CLEC12A: variants seen among roughly 807,000 people sequenced by gnomAD.
CLEC12A encodes C-type lectin domain family 12 member A, also known as C-type lectin protein CLL-1.
A neutral mutation model predicts 26.5 loss-of-function variants in CLEC12A; 22 were observed. That is an observed-to-expected ratio of 0.83 (90% CI 0.59 to 1.19). The LOEUF (loss-of-function observed/expected upper bound fraction) is 1.19. Among genes scored for constraint, CLEC12A ranks in the 50% most tolerant of loss-of-function variants. The pLI, the probability that CLEC12A is intolerant of heterozygous loss-of-function variation, is 0.00. For missense variants in CLEC12A, 353 were observed against 315.6 expected (o/e 1.12, Z -0.90); for synonymous variants, 119 against 101.9 (o/e 1.17, Z -1.01).
At chr12:9,986,425 CT>C (rs34362416), downstream of CLEC12A, among the ~76,000 whole-genome samples, 24,953 of 101,842 alleles carry the variant, frequency 0.25, 2,905 homozygotes, top group East Asian at 0.47. Flanking sequence ...CCCCCCCCCC[CT>C]TTTTTTCTAT....
At chr12:9,981,664 C>A (rs146764657) in intron 4 of CLEC12A, among the ~76,000 whole-genome samples, 139 of 152,208 alleles carry the variant, frequency 9.1e-4, no homozygotes, top group Non-Finnish European at 1.6e-3. Flanking sequence ...CTTTCTGTTT[C>A]TATTAACTCT....
At chr12:9,960,524 T>A (rs1333332607) in intron 1 of CLEC12A, among the ~76,000 whole-genome samples, 1 of 152,196 alleles carries the variant, frequency 6.6e-6, no homozygotes, top group East Asian at 1.9e-4. Context: ...AATGACTACT[T>A]CTGATTATAG....
intron 1 of CLEC12A, chr12:9,952,401 C>T (rs1222079854): frequency 2.1e-4 from 34 of 161,160 alleles, no homozygotes; most frequent in Non-Finnish European, 3.7e-4. Context: ...GGTCTCCAGC[C>T]CCTAACCGCG....
intron 1 of CLEC12A, among the ~76,000 whole-genome samples, chr12:9,952,374 G>C (rs1359306131): frequency 6.6e-6 from 1 of 150,752 alleles, no homozygotes; most frequent in Non-Finnish European, 1.5e-5. Context: ...ACGGGGTTTC[G>C]CTGTGTTGGC....
rs776327738 is a variant in CLEC12A, at chr12:9,979,338, C to A, written c.193C>A (p.His65Asn). The A allele has an allele frequency of 6.3e-7, 1 of 1,579,426 alleles. No homozygotes were observed. The highest frequency in any genetic ancestry group is 8.6e-7 in the Non-Finnish European group (1 of 1,158,904). The change falls in exon 3 of 6, where the codon CAC becomes AAC. Residue 65 changes from histidine (H) to asparagine (N), a missense_variant and splice_region_variant. His to Asn is a moderately conservative substitution (Grantham distance 68, BLOSUM62 1). Transcript: ENST00000304361. ...TTTGTCATTTTTTTAATGTGGAGTT[C>A]ACGTAACTTTGAAGATAGAAATGAA... ...IGLGVLASMF[H>N]VTLKIEMKKM...
At chr12:9,955,401 T>C (rs1387179779) in intron 1 of CLEC12A, among the ~76,000 whole-genome samples, 1 of 152,224 alleles carries the variant, frequency 6.6e-6, no homozygotes, top group African/African-American at 2.4e-5. Context: ...TTATGTTTCT[T>C]ACTTAGGTGA....
intron 1 of CLEC12A, among the ~76,000 whole-genome samples, chr12:9,956,828 T>G (rs1863749012): frequency 6.6e-6 from 1 of 152,196 alleles, no homozygotes; most frequent in African/African-American, 2.4e-5. Flanking sequence ...AGATTAATCT[T>G]TGACCTATGG....
At chr12:9,979,261 A>G in intron 2 of CLEC12A, 75 bp from the exon 3 acceptor site, 1 of 1,208,480 alleles carries the variant, frequency 8.3e-7, no homozygotes, top group Admixed American at 2.3e-5. Context: ...TAATCTTTAT[A>G]CTACTTCTGC....
intron 1 of CLEC12A, among the ~76,000 whole-genome samples, chr12:9,963,373 A>G (rs374259820): frequency 2.3e-4 from 35 of 149,228 alleles, no homozygotes; most frequent in East Asian, 1.6e-3. Context: ...TCAAGGCCTC[A>G]GCGGTTTTGG....
At chr12:10,000,755 T>C in the CLEC12A span, among the ~76,000 whole-genome samples, 4 of 152,190 alleles carry the variant, frequency 2.6e-5, no homozygotes, top group East Asian at 3.8e-4. Context: ...TTCTGGAAGA[T>C]TGGGGTTGGA....
chr12:9,979,498 G>A lies in CLEC12A; in HGVS notation c.353G>A (p.Cys118Tyr). The A allele has an allele frequency of 6.2e-7, 1 of 1,612,846 alleles. No individual in the cohort carries two copies. Among genetic ancestry groups the A allele is most frequent in the South Asian group, 1.1e-5 (1 of 90,990 alleles). The change falls in exon 3 of 6, where the codon TGT (cysteine) becomes TAT (tyrosine). Residue 118 changes from cysteine to tyrosine, a missense_variant. By Grantham distance (194) the Cys-to-Tyr change is radical (BLOSUM62 -2). Transcript: ENST00000304361. The part of the protein sequence containing the change: ...TTLQTIATKL[C>Y]RELYSKEQEH... ...CTGCAAACAATAGCCACCAAATTAT[G>A]TCGTGAGCTATATAGCAAAGAACAA...
intron 1 of CLEC12A, among the ~76,000 whole-genome samples, chr12:9,960,623 T>C (rs1863812836): frequency 6.6e-6 from 1 of 152,180 alleles, no homozygotes; most frequent in South Asian, 2.1e-4. Context: ...TTCTCCATGA[T>C]TGAGGAAGTG....
chr12:9,955,104 A>T (rs1863721003), intron 1 of CLEC12A, among the ~76,000 whole-genome samples: 1 of 152,052 alleles, frequency 6.6e-6, no homozygotes, highest in African/African-American at 2.4e-5. Flanking sequence ...TCTTTTTTTT[A>T]AAAACGGAGT....
At chr12:9,988,364 G>C (rs1366718167), downstream of CLEC12A, among the ~76,000 whole-genome samples, 7 of 152,162 alleles carry the variant, frequency 4.6e-5, no homozygotes, top group East Asian at 1.3e-3. Flanking sequence ...ATTGACAAAT[G>C]GGATCTAATT....
chr12:10,002,513 G>A, the CLEC12A span, among the ~76,000 whole-genome samples: 3 of 49,222 alleles, frequency 6.1e-5, no homozygotes, highest in African/African-American at 2.2e-4. Context: ...CGCGATCTCG[G>A]CTCACTGCAA....
chr12:9,971,316 A>T, upstream of CLEC12A: 1 of 772,530 alleles, frequency 1.3e-6, no homozygotes, highest in Non-Finnish European at 1.6e-6. Context: ...TGGTAAATAT[A>T]TAGAAATTGA....
chr12:9,979,599 A>G (rs1459643567), intron 3 of CLEC12A, 75 bp downstream of exon 3: 1 of 1,128,546 alleles, frequency 8.9e-7, no homozygotes. Context: ...ATCATTTTAT[A>G]ATTAGCTAGC....
chr12:9,965,666 G>C (rs1005180620), intron 1 of CLEC12A, among the ~76,000 whole-genome samples: 5 of 152,076 alleles, frequency 3.3e-5, no homozygotes, highest in African/African-American at 1.2e-4. Flanking sequence ...ATAAGGCACA[G>C]ATCCTGAACT....
At chr12:9,972,747 G>T (rs1159895995) in intron 1 of CLEC12A, among the ~76,000 whole-genome samples, 1 of 152,240 alleles carries the variant, frequency 6.6e-6, no homozygotes, top group Non-Finnish European at 1.5e-5. Context: ...CTTGAGAAAG[G>T]ATAGCAGATT....
Sources: allele counts gnomAD v4.1 joint callset (sites outside exome capture counted in the v4.1 genomes callset), GRCh38; gene constraint gnomAD v4.1.1; transcripts MANE v1.5; gene names NCBI Gene and HGNC (gene_info 2026-07-23, HGNC 2026-07-21).